The following ANAPC5 variants were observed in gnomAD, a reference collection of about 807,000 sequenced individuals.
The protein encoded by ANAPC5 is anaphase promoting complex subunit 5, also known as anaphase-promoting complex subunit 5.
A neutral mutation model predicts 91.3 loss-of-function variants in ANAPC5; 60 were observed. The ratio of observed to expected loss-of-function variants is 0.66; its 90% CI spans 0.53 to 0.81. ANAPC5 has a LOEUF of 0.81. ANAPC5 is among the 40% of genes least tolerant of loss of function. ANAPC5 has a pLI of 0.00. For synonymous variants in ANAPC5, 340 were observed against 364.1 expected, an observed-to-expected ratio of 0.93 and a Z score of 0.75; for missense variants, 690 against 931.5, an observed-to-expected ratio of 0.74 and a Z score of 3.37.
At chr12:121,330,932 C>A in intron 8 of ANAPC5, 1 of 456,184 alleles carries the variant, frequency 2.2e-6, no homozygotes, top group South Asian at 2.4e-5. Flanking sequence ...AAGCATGAAG[C>A]TCCCATATGG....
chr12:121,345,968 A>T lies in ANAPC5; in HGVS notation c.461T>A (p.Leu154Gln). ...SKLSFSQVFK[L>Q]YTALQQYFQN... ...GAAGTACTGCTGAAGGGCAGTGTAC[A>T]GTTTAAACACTTGGCTGAAAGAAAG... The change falls in exon 4 of 17, where the codon CTG becomes CAG. Residue 154 changes from leucine to glutamine, a missense_variant. Leu to Gln is a moderately radical substitution (Grantham distance 113). Coordinates refer to ENST00000261819, the MANE Select transcript of ANAPC5 (RefSeq NM_016237.5). 1.9e-6 allele frequency: 3 copies of T among 1,613,368 alleles called. No homozygotes were observed. The highest frequency in any genetic ancestry group is 1.7e-6 in the Non-Finnish European group (2 of 1,179,812).
rs1328424189 is a variant in ANAPC5, at chr12:121,323,210, C to T, written c.1441-2751G>A. Reference sequence around the variant, plus strand: ...GCTTATATAATTGGTGAAAGTAGTACCTTAACTGCTTTAAATTTAATTTCA... The same window carrying T: ...GCTTATATAATTGGTGAAAGTAGTATCTTAACTGCTTTAAATTTAATTTCA... On this transcript the variant is annotated intron_variant, in intron 11 of 16. Transcript: ENST00000261819. Among the ~76,000 whole-genome samples the T allele has an allele frequency of 4.6e-5, 7 of 152,278 alleles. No individual in the cohort carries two copies. The East Asian group carries it at 7.7e-4, about 17-fold the overall frequency.
intron 5 of ANAPC5, 81 bp from the exon 6 acceptor site, chr12:121,337,473 T>C (rs1903288469): frequency 9.2e-7 from 1 of 1,091,228 alleles, no homozygotes; most frequent in Non-Finnish European, 1.3e-6. Context: ...CATCACCTGA[T>C]TATTTTCTTT....
rs1555272800 is a variant in ANAPC5 at position 121,330,657 on chromosome 12, G to T, written c.1048C>A (p.Leu350Met). 6.2e-7 allele frequency: 1 copy of T among 1,614,018 alleles called. No individual in the cohort carries two copies. The highest frequency in any genetic ancestry group is 8.5e-7 in the Non-Finnish European group (1 of 1,179,924). The stretch of plus-strand genomic sequence containing the variant: ...TAGCTATCGGATCTCTTCTGCCCCA[G>T]CACATAAAGCCAGCTCTGGCAAGAG... Reference protein sequence around the residue: ...LQHCLSWLYVLGQKRSDSYVL... With the variant: ...LQHCLSWLYVMGQKRSDSYVL... Residue 350 changes from leucine (L) to methionine (M), a missense_variant, in exon 9 of 17, where the codon CTG becomes ATG. Around this residue, in one of 5 missense-constraint regions of ANAPC5, gnomAD observed 36 missense variants for 27.6 expected, o/e 1.30. Transcript: ENST00000261819.
chr12:121,309,813 G>A lies in ANAPC5; in HGVS notation c.1944C>T (p.Ile648=), dbSNP rs772164665. ...EQALSLLHMA[I]EPILADGAIL... ...TAGCCCCGTCAGCCAAGATGGGCTC[G>A]ATGGCCATGTGGAGAAGACTTAAGG... is the stretch of plus-strand genomic sequence containing the variant. Residue 648 remains isoleucine, a synonymous_variant, in exon 16 of 17, where the codon ATC becomes ATT. Transcript: ENST00000261819. 9 of 1,614,000 alleles carry A rather than the reference G, an allele frequency of 5.6e-6. No homozygotes were observed. The highest frequency in any genetic ancestry group is 2.2e-5 in the East Asian group (1 of 44,904).
intron 6 of ANAPC5, 48 bp downstream of exon 6, chr12:121,337,243 C>T (rs577761607): frequency 3.4e-6 from 5 of 1,489,204 alleles, no homozygotes; most frequent in African/African-American, 2.8e-5. Context: ...AAAAAAGTTG[C>T]CTTGTCATTC....
At position 121,330,670 on chromosome 12, in the gene ANAPC5, G is replaced by C. The variant is rs781986829; in HGVS notation, c.1035C>G (p.Ser345Arg). 6.2e-7 allele frequency: 1 copy of C among 1,613,712 alleles called. No homozygotes were observed. The part of the protein sequence containing the change: ...NDHVCLQHCL[S>R]WLYVLGQKRS... ...TCTTCTGCCCCAGCACATAAAGCCA[G>C]CTCTGGCAAGAGAAATCATCAAAAT... is the stretch of plus-strand genomic sequence containing the variant. Residue 345 changes from serine to arginine, a missense_variant and splice_region_variant, in exon 9 of 17, where the codon AGC becomes AGG. Coordinates refer to ENST00000261819, the MANE Select transcript of ANAPC5 (RefSeq NM_016237.5).
At position 121,328,369 on chromosome 12, in the gene ANAPC5, G is replaced by A; in HGVS notation, c.1251C>T (p.Leu417=). ...LLHWKHSLSE[L]IDISIAQKTA... The stretch of plus-strand genomic sequence containing the variant: ...TTTTCTGTGCGATGCTGATATCGAT[G>A]AGCTCTGACAGGCTGTGTTTCCAGT... Residue 417 remains leucine (L), a synonymous_variant, in exon 10 of 17, where the codon CTC becomes CTT. Transcript: ENST00000261819. 6.2e-7 allele frequency: 1 copy of A among 1,613,888 alleles called. No individual in the cohort carries two copies. The highest frequency in any genetic ancestry group is 8.5e-7 in the Non-Finnish European group (1 of 1,179,998).
chr12:121,320,322 T>C, intron 12 of ANAPC5, 63 bp downstream of exon 12: 1 of 1,519,142 alleles, frequency 6.6e-7, no homozygotes, highest in Non-Finnish European at 9.1e-7. Flanking sequence ...TGTCCCACTT[T>C]ATATTATAAT....
Position 121,342,166 on chromosome 12 carries a change from C to A in ANAPC5, c.591-97G>T, listed in dbSNP as rs9738248. Reference sequence around the variant, plus strand: ...GATGGATTCTTGTATCGAAAGAGTTCAAAAAATTTAACTCTCTCCTCAGAA... The same window carrying A: ...GATGGATTCTTGTATCGAAAGAGTTAAAAAAATTTAACTCTCTCCTCAGAA... On this transcript the variant is annotated intron_variant, in intron 4 of 16. Coordinates refer to ENST00000261819, the MANE Select transcript of ANAPC5 (RefSeq NM_016237.5). This position sits in a 1 kb window ranked among gnomAD's most constrained non-coding sequence, Gnocchi z 4.1. 8.8e-6 allele frequency: 8 copies of A among 913,700 alleles called. No individual in the cohort carries two copies. Among genetic ancestry groups the A allele is most frequent in the Non-Finnish European group, 1.1e-5 (7 of 611,006 alleles). 56.6% of individuals were successfully genotyped at this position (913,700 alleles called of 1,614,324 possible). A position where few individuals can be genotyped will look rare whatever the true frequency, so the allele number is the denominator to read the frequency against.
At chr12:121,318,135 G>A in intron 15 of ANAPC5, 142 bp downstream of exon 15, 1 of 1,034,738 alleles carries the variant, frequency 9.7e-7, no homozygotes. Flanking sequence ...CTCCTTGGAG[G>A]GCTTGCACAG....
At chr12:121,327,430 G>A (rs1008024681) in intron 10 of ANAPC5, 199 bp from the exon 11 acceptor site, 21 of 604,654 alleles carry the variant, frequency 3.5e-5, no homozygotes, top group African/African-American at 9.4e-5. Context: ...GATGTGCAGC[G>A]CGAGGAGACA....
chr12:121,322,163 C>A (rs985533931), intron 11 of ANAPC5, among the ~76,000 whole-genome samples: 9 of 142,022 alleles, frequency 6.3e-5, no homozygotes, highest in Non-Finnish European at 9.2e-5. Flanking sequence ...CGCACCTGGC[C>A]TGTTTTTTTT....
At chr12:121,318,213 C>T (rs879030133) in intron 15 of ANAPC5, 64 bp downstream of exon 15, 26 of 1,437,740 alleles carry the variant, frequency 1.8e-5, no homozygotes, top group South Asian at 8.1e-5. Flanking sequence ...AATACTCAAA[C>T]GTAGTCACAG....
In ANAPC5 at chr12:121,347,820, G is replaced by T; in HGVS notation, c.269C>A (p.Ala90Glu). Residue 90 changes from alanine (A) to glutamate (E), a missense_variant, in exon 2 of 17, where the codon GCA becomes GAA. Ala to Glu is a moderately radical substitution (Grantham distance 107, BLOSUM62 -1). Transcript: ENST00000261819. The stretch of plus-strand genomic sequence containing the variant: ...AGTTTACCTGATCTGCACTGAATTT[G>T]CCAGCTGTGGACAAGACTCTTCAAT... Reference protein sequence around the residue: ...KLIEESCPQLANSVQIRIKLM... With the variant: ...KLIEESCPQLENSVQIRIKLM... 6.2e-7 allele frequency: 1 copy of T among 1,613,168 alleles called. No individual in the cohort carries two copies. Among genetic ancestry groups the T allele is most frequent in the Non-Finnish European group, 8.5e-7 (1 of 1,179,226 alleles).
chr12:121,352,734 T>TGGTGGTGGG, upstream of ANAPC5, among the ~76,000 whole-genome samples: 1 of 151,196 alleles, frequency 6.6e-6, no homozygotes, highest in South Asian at 2.1e-4. Context: ...GTGGTGGTGG[T>TGGTGGTGGG]GGTTGTCGTT....
chr12:121,318,271 G>A lies in ANAPC5; in HGVS notation c.1893+6C>T. On this transcript the variant is annotated splice_donor_region_variant and intron_variant, in intron 15 of 16. Coordinates refer to ENST00000261819, the MANE Select transcript of ANAPC5 (RefSeq NM_016237.5). ...ATATGTGCTATAAAAACAGAGATCG[G>A]CTTACCTGCGCAAAAGCCAAGTTCA... 6.6e-7 allele frequency: 1 copy of A among 1,519,354 alleles called. No homozygotes were observed. Among genetic ancestry groups the A allele is most frequent in the Non-Finnish European group, 8.8e-7 (1 of 1,134,350 alleles). 94.1% of individuals were successfully genotyped at this position (1,519,354 alleles called of 1,614,324 possible).
At chr12:121,341,162 C>CA (rs571381769) in intron 5 of ANAPC5, among the ~76,000 whole-genome samples, 19 of 149,038 alleles carry the variant, frequency 1.3e-4, no homozygotes, top group Middle Eastern at 3.7e-3. Context: ...GACTCCGTCT[C>CA]AAAAAAAAGA....
At chr12:121,320,605 CTTTCTT>C in intron 11 of ANAPC5, 146 bp from the exon 12 acceptor site, 1 of 572,636 alleles carries the variant, frequency 1.7e-6, no homozygotes, top group Non-Finnish European at 3.0e-6. Flanking sequence ...AATTTCTTTT[CTTTCTT>C]TTTTTTTTTT....
Sources: allele counts gnomAD v4.1 joint callset (sites outside exome capture counted in the v4.1 genomes callset), GRCh38; gene constraint gnomAD v4.1.1; regional missense constraint gnomAD v4.1.1; non-coding constraint Gnocchi (gnomAD v3.1); transcripts MANE v1.5; gene names NCBI Gene and HGNC (gene_info 2026-07-23, HGNC 2026-07-21).